MAML2: variants seen among roughly 807,000 people sequenced by gnomAD.
The protein encoded by MAML2 is mastermind-like protein 2.
Under a neutral mutation model 96.1 loss-of-function variants are expected in MAML2, and 22 were observed. The observed-to-expected ratio is 0.23, with a 90% confidence interval of 0.16 to 0.33. MAML2 has a LOEUF of 0.33. Ranked by LOEUF, MAML2 falls within the 10% of genes least tolerant of loss-of-function variation. The probability of loss-of-function intolerance (pLI) is 1.00; values close to 1 mark genes in which losing one functional copy is unlikely to be tolerated. For synonymous variants in MAML2, 561 were observed against 521.3 expected (o/e 1.08, Z -1.04); for missense variants, 1,367 against 1,392.4 (o/e 0.98, Z 0.29).
At chr11:96,209,331 A>G (rs496852) in intron 1 of MAML2, among the ~76,000 whole-genome samples, 72,229 of 151,692 alleles carry the variant, frequency 0.48, 17,390 homozygotes, top group Middle Eastern at 0.52. Flanking sequence ...TATGCATTGG[A>G]CTCTAGGGAT....
intron 1 of MAML2, among the ~76,000 whole-genome samples, chr11:96,190,991 T>C (rs1458426292): frequency 6.6e-6 from 1 of 152,196 alleles, no homozygotes; most frequent in Non-Finnish European, 1.5e-5. Flanking sequence ...TCACACCATA[T>C]TGGCAACATA....
At chr11:96,149,112 C>T (rs1301557583) in intron 1 of MAML2, among the ~76,000 whole-genome samples, 1 of 152,124 alleles carries the variant, frequency 6.6e-6, no homozygotes, top group Non-Finnish European at 1.5e-5. Context: ...ATCACAGAAG[C>T]TCTTCAAAAT....
intron 2 of MAML2, among the ~76,000 whole-genome samples, chr11:96,033,017 G>A (rs1858643776): frequency 2.0e-5 from 3 of 152,208 alleles, no homozygotes; most frequent in Admixed American, 1.3e-4. Context: ...AGTGAAATTT[G>A]TAGCATGTAA....
chr11:96,129,657 C>A (rs1040886499), intron 1 of MAML2, among the ~76,000 whole-genome samples: 1 of 152,056 alleles, frequency 6.6e-6, no homozygotes. Context: ...TCAGGTGGTA[C>A]ATGTGCAGAT....
At chr11:96,294,332 T>C (rs1003382586) in intron 1 of MAML2, among the ~76,000 whole-genome samples, 8 of 150,888 alleles carry the variant, frequency 5.3e-5, no homozygotes, top group African/African-American at 1.9e-4. Flanking sequence ...AAAAAAAAAA[T>C]TACTGATTTT....
At chr11:96,231,353 TACAGTAGATGCTAA>T (rs1435746413) in intron 1 of MAML2, among the ~76,000 whole-genome samples, 2 of 152,210 alleles carry the variant, frequency 1.3e-5, no homozygotes, top group Non-Finnish European at 2.9e-5. Flanking sequence ...AATACTGAAA[TACAGTAGATGCTAA>T]ATATGCTTGT....
At chr11:96,125,622 C>A (rs1860425504) in intron 1 of MAML2, among the ~76,000 whole-genome samples, 2 of 152,148 alleles carry the variant, frequency 1.3e-5, no homozygotes, top group South Asian at 2.1e-4. Context: ...CTGTTCTCTG[C>A]TCTCCGTGCC....
chr11:96,334,172 A>G (rs1863888348), intron 1 of MAML2, among the ~76,000 whole-genome samples: 1 of 152,192 alleles, frequency 6.6e-6, no homozygotes, highest in Admixed American at 6.5e-5. Context: ...ACTCTTCACT[A>G]ACCATTTTAA....
chr11:96,129,088 TAACTC>T (rs1248618294), intron 1 of MAML2, among the ~76,000 whole-genome samples: 2 of 152,144 alleles, frequency 1.3e-5, no homozygotes, highest in Non-Finnish European at 2.9e-5. Flanking sequence ...GGACAGTATC[TAACTC>T]AAGATTTACC....
At chr11:96,200,929 C>T (rs370983683) in intron 1 of MAML2, among the ~76,000 whole-genome samples, 1 of 151,904 alleles carries the variant, frequency 6.6e-6, no homozygotes, top group East Asian at 1.9e-4. Context: ...CAAAAACAAC[C>T]AGGATGATAA....
chr11:96,240,527 C>G (rs1373035050), intron 1 of MAML2, among the ~76,000 whole-genome samples: 1 of 113,084 alleles, frequency 8.8e-6, no homozygotes, highest in African/African-American at 3.2e-5. Context: ...GTCCGCAGTC[C>G]GGCCTGGGCG....
At chr11:96,031,349 G>GTA (rs1227071385) in intron 2 of MAML2, among the ~76,000 whole-genome samples, 2 of 151,808 alleles carry the variant, frequency 1.3e-5, no homozygotes, top group Non-Finnish European at 2.9e-5. Flanking sequence ...GTGTGTGTGT[G>GTA]TGTGTGTGTT....
intron 2 of MAML2, among the ~76,000 whole-genome samples, chr11:96,069,884 G>A (rs1322194374): frequency 1.3e-5 from 2 of 151,650 alleles, no homozygotes; most frequent in Non-Finnish European, 2.9e-5. Flanking sequence ...TTAGCTGGGT[G>A]TGGTGGTGCG....
intron 1 of MAML2, among the ~76,000 whole-genome samples, chr11:96,292,635 T>C (rs1383581014): frequency 6.6e-6 from 1 of 152,232 alleles, no homozygotes; most frequent in Non-Finnish European, 1.5e-5. Flanking sequence ...TCCTTTTTTA[T>C]CTGTTGTCCA....
At chr11:96,077,362 A>G (rs1172957136) in intron 2 of MAML2, among the ~76,000 whole-genome samples, 2 of 151,468 alleles carry the variant, frequency 1.3e-5, no homozygotes, top group African/African-American at 4.9e-5. Flanking sequence ...TTGGGACTAC[A>G]GGCATACGCC....
At position 96,155,150 on chromosome 11, in the gene MAML2, C is replaced by T. The variant is rs148328035; in HGVS notation, c.514-61633G>A. On this transcript the variant is annotated intron_variant, in intron 1 of 4. Transcript: ENST00000524717. ...GCCAAGCTCCATCTTCCACCTTAGT[C>T]CTTTTTTAAAATGAAGAACAGCGAA... Among the ~76,000 whole-genome samples the T allele has an allele frequency of 2.6e-3, 401 of 152,188 alleles. 1 individual carries two copies. The highest frequency in any genetic ancestry group is 9.2e-3 in the African/African-American group (383 of 41,540).
intron 2 of MAML2, among the ~76,000 whole-genome samples, chr11:96,014,873 C>A (rs1858319615): frequency 6.6e-6 from 1 of 152,152 alleles, no homozygotes; most frequent in Non-Finnish European, 1.5e-5. Context: ...CAAAGAAATT[C>A]CAATGCATGT....
chr11:96,002,526 G>A (rs1308151089), intron 2 of MAML2, among the ~76,000 whole-genome samples: 1 of 147,408 alleles, frequency 6.8e-6, no homozygotes, highest in East Asian at 2.0e-4. Context: ...CGATGATGAT[G>A]GGGCTGATGA....
Position 96,331,316 on chromosome 11 carries a change from T to C in MAML2, c.513+10067A>G, listed in dbSNP as rs10831508. 8.7e-3 allele frequency among the ~76,000 whole-genome samples: 1,324 copies of C among 152,248 alleles called. 73 individuals carry two copies. In the East Asian group the frequency reaches 0.16, roughly 18 times the overall value. ...AATCTACCACAGGCTCTAAACTCCATGCTACTCTTACTACCAAAATATTAA... is the reference window on the plus strand; with the variant it reads ...AATCTACCACAGGCTCTAAACTCCACGCTACTCTTACTACCAAAATATTAA... On this transcript the variant is annotated intron_variant, in intron 1 of 4. Transcript: ENST00000524717.
Sources: allele counts gnomAD v4.1 joint callset (sites outside exome capture counted in the v4.1 genomes callset), GRCh38; gene constraint gnomAD v4.1.1; transcripts MANE v1.5; gene names NCBI Gene and HGNC (gene_info 2026-07-23, HGNC 2026-07-21).